Variants in KLHL8 observed in about 807,000 individuals in gnomAD.
KLHL8 encodes the protein kelch like family member 8, also known as kelch-like protein 8.
In KLHL8, 38 loss-of-function variants were observed where a neutral mutation model predicts 63.5. The ratio of observed to expected loss-of-function variants is 0.60; its 90% CI spans 0.46 to 0.78. KLHL8 has a LOEUF of 0.78. Ranked by LOEUF, KLHL8 falls within the 30% of genes least tolerant of loss-of-function variation. The pLI is 0.00. For synonymous variants in KLHL8, 224 were observed against 254.3 expected, an observed-to-expected ratio of 0.88 and a Z score of 1.13; for missense variants, 566 against 752.4, an observed-to-expected ratio of 0.75 and a Z score of 2.90.
chr4:87,212,559 C>T (rs752195719), intron 1 of KLHL8, among the ~76,000 whole-genome samples: 4 of 151,516 alleles, frequency 2.6e-5, no homozygotes, highest in Admixed American at 6.6e-5. Context: ...CCAGCCTAAG[C>T]GACACAGTGA....
intron 4 of KLHL8, among the ~76,000 whole-genome samples, chr4:87,180,068 G>A (rs1490564090): frequency 1.3e-5 from 2 of 152,192 alleles, no homozygotes; most frequent in African/African-American, 2.4e-5. Context: ...CCTTATCACA[G>A]CATAAAGGTC....
chr4:87,177,918 C>T (rs933312496), intron 5 of KLHL8, among the ~76,000 whole-genome samples: 5 of 152,066 alleles, frequency 3.3e-5, no homozygotes, highest in Non-Finnish European at 5.9e-5. Flanking sequence ...AACAAAAACA[C>T]ACAGAGAAAG....
chr4:87,223,256 A>C (rs897361691), upstream of KLHL8, among the ~76,000 whole-genome samples: 4 of 151,920 alleles, frequency 2.6e-5, no homozygotes, highest in Non-Finnish European at 1.5e-5. Flanking sequence ...TTACAGGTGT[A>C]AGCCACCATT....
chr4:87,197,896 C>G (rs1195923877), intron 1 of KLHL8, among the ~76,000 whole-genome samples: 1 of 151,590 alleles, frequency 6.6e-6, no homozygotes, highest in Non-Finnish European at 1.5e-5. Flanking sequence ...CCATATGGGT[C>G]TCTATCACAA....
At chr4:87,200,310 T>C (rs568968615) in intron 1 of KLHL8, among the ~76,000 whole-genome samples, 27 of 152,256 alleles carry the variant, frequency 1.8e-4, no homozygotes, top group South Asian at 1.0e-3. Flanking sequence ...AAGTCCCTTA[T>C]ATAAACTGGT....
At chr4:87,178,376 A>G in intron 5 of KLHL8, 101 bp downstream of exon 5, 1 of 1,225,068 alleles carries the variant, frequency 8.2e-7, no homozygotes, top group South Asian at 1.5e-5. Context: ...AAAATAATTT[A>G]CAATTTAGTC....
intron 6 of KLHL8, 151 bp from the exon 7 acceptor site, chr4:87,170,766 G>A: frequency 1.4e-6 from 1 of 733,438 alleles, no homozygotes; most frequent in South Asian, 1.9e-5. Flanking sequence ...CAAAGCTTTT[G>A]ACTAGATGGC....
At chr4:87,187,547 T>C (rs1439407228) in intron 2 of KLHL8, among the ~76,000 whole-genome samples, 1 of 152,070 alleles carries the variant, frequency 6.6e-6, no homozygotes. Context: ...ACTTCTCTTT[T>C]AGTTTGCTTT....
At chr4:87,235,279 T>C (rs1733206889) in intron 1 of KLHL8, among the ~76,000 whole-genome samples, 1 of 152,190 alleles carries the variant, frequency 6.6e-6, no homozygotes, top group South Asian at 2.1e-4. Flanking sequence ...TTTTTATCTT[T>C]TATACCGTAT....
In KLHL8 at chr4:87,170,634, A is replaced by T. The variant is rs751701752; in HGVS notation, c.1209-19T>A. The T allele has an allele frequency of 3.2e-6, 5 of 1,584,718 alleles. No individual in the cohort carries two copies. The highest frequency in any genetic ancestry group is 4.3e-6 in the Non-Finnish European group (5 of 1,170,674). On this transcript the variant is annotated intron_variant, in intron 6 of 9. Transcript: ENST00000273963. Reference sequence around the variant, plus strand: ...TCCTCGCCTGCAAAGACAATAAAACATACTTTAGCAAATGAGTTTGTTTCC... The same window carrying T: ...TCCTCGCCTGCAAAGACAATAAAACTTACTTTAGCAAATGAGTTTGTTTCC...
At chr4:87,168,801 T>C (rs1435590935) in intron 8 of KLHL8, among the ~76,000 whole-genome samples, 1 of 23,366 alleles carries the variant, frequency 4.3e-5, no homozygotes, top group African/African-American at 7.4e-5. Flanking sequence ...TATACACACA[T>C]ATATATACAC....
intron 2 of KLHL8, among the ~76,000 whole-genome samples, chr4:87,187,255 A>C (rs951299698): frequency 2.0e-5 from 3 of 151,980 alleles, no homozygotes; most frequent in Non-Finnish European, 4.4e-5. Context: ...TTGTTGTACA[A>C]AGTCTATGCT....
intron 1 of KLHL8, among the ~76,000 whole-genome samples, chr4:87,210,405 T>G (rs1560714605): frequency 6.6e-6 from 1 of 152,084 alleles, no homozygotes; most frequent in African/African-American, 2.4e-5. Context: ...GGTGTGAACC[T>G]GGCAGGCAGA....
chr4:87,215,698 T>G (rs1732569175), intron 1 of KLHL8, among the ~76,000 whole-genome samples: 1 of 152,226 alleles, frequency 6.6e-6, no homozygotes, highest in Non-Finnish European at 1.5e-5. Context: ...TCCAAACGCT[T>G]ATTCTTATAA....
intron 4 of KLHL8, among the ~76,000 whole-genome samples, chr4:87,181,873 A>G (rs541884297): frequency 2.6e-5 from 4 of 152,298 alleles, no homozygotes; most frequent in Admixed American, 2.6e-4. Flanking sequence ...CTGAGTTTGA[A>G]GAATTCCATC....
chr4:87,202,703 A>C (rs142235086), intron 1 of KLHL8, among the ~76,000 whole-genome samples: 72 of 152,332 alleles, frequency 4.7e-4, no homozygotes, highest in African/African-American at 1.7e-3. Context: ...ATCTTCAAGC[A>C]CAGATGGTTT....
At chr4:87,218,176 C>A (rs1317078096) in intron 1 of KLHL8, among the ~76,000 whole-genome samples, 1 of 152,038 alleles carries the variant, frequency 6.6e-6, no homozygotes, top group East Asian at 1.9e-4. Context: ...TTGTTGTGAA[C>A]TTACAACTGC....
intron 1 of KLHL8, among the ~76,000 whole-genome samples, chr4:87,201,384 A>G (rs1448761389): frequency 6.6e-6 from 1 of 152,244 alleles, no homozygotes; most frequent in Non-Finnish European, 1.5e-5. Flanking sequence ...TTCAAAATAC[A>G]CAAAGCAAAA....
At chr4:87,207,579 T>A in intron 1 of KLHL8, 1 of 1,186,470 alleles carries the variant, frequency 8.4e-7, no homozygotes, top group Non-Finnish European at 1.3e-6. Context: ...ATGTCATCCA[T>A]GACAACTTTG....
Sources: allele counts gnomAD v4.1 joint callset (sites outside exome capture counted in the v4.1 genomes callset), GRCh38; gene constraint gnomAD v4.1.1; transcripts MANE v1.5; gene names NCBI Gene and HGNC (gene_info 2026-07-23, HGNC 2026-07-21).